PEBP4: variants seen among roughly 807,000 people sequenced by gnomAD.
PEBP4 encodes phosphatidylethanolamine-binding protein 4.
Under a neutral mutation model 23.9 loss-of-function variants are expected in PEBP4, and 22 were observed. The observed-to-expected ratio is 0.92, with a 90% CI of 0.66 to 1.31. PEBP4 has a LOEUF of 1.31. PEBP4 is among the 40% of genes most tolerant of loss of function. The pLI, the probability that PEBP4 is intolerant of heterozygous loss-of-function variation, is 0.00. For missense variants in PEBP4, 324 were observed against 281.7 expected, an observed-to-expected ratio of 1.15 and a Z score of -1.07; for synonymous variants, 112 against 99.3, an observed-to-expected ratio of 1.13 and a Z score of -0.76.
intron 3 of PEBP4, among the ~76,000 whole-genome samples, chr8:22,833,417 C>T (rs963303935): frequency 1.4e-4 from 21 of 152,268 alleles, no homozygotes; most frequent in East Asian, 5.8e-4. Context: ...CTGCAACCTC[C>T]GCCTCAAGGG....
chr8:22,921,540 G>A (rs73672941), intron 2 of PEBP4, among the ~76,000 whole-genome samples: 1,629 of 152,150 alleles, frequency 0.011, 32 homozygotes, highest in African/African-American at 0.038. Context: ...CCCTTCCAGT[G>A]GCTCCTGAAG....
At chr8:22,755,440 T>C (rs12682619) in intron 4 of PEBP4, among the ~76,000 whole-genome samples, 1 of 150,264 alleles carries the variant, frequency 6.7e-6, no homozygotes, top group Non-Finnish European at 1.5e-5. Context: ...GGTTCAAGCG[T>C]TTCTCCTGCC....
chr8:22,713,642 G>C (rs1804354995), intron 6 of PEBP4, 106 bp from the exon 7 acceptor site: 1 of 1,490,440 alleles, frequency 6.7e-7, no homozygotes, highest in East Asian at 2.3e-5. Context: ...GAGGCAGCAG[G>C]TGATGCGATG....
intron 4 of PEBP4, among the ~76,000 whole-genome samples, chr8:22,727,615 G>A (rs575131852): frequency 8.5e-4 from 130 of 152,248 alleles, no homozygotes; most frequent in African/African-American, 2.7e-3. Flanking sequence ...TAAGGGAGGC[G>A]CTTAGGTCTG....
chr8:22,918,779 C>T (rs1275010600), intron 3 of PEBP4, among the ~76,000 whole-genome samples: 1 of 152,170 alleles, frequency 6.6e-6, no homozygotes, highest in Non-Finnish European at 1.5e-5. Flanking sequence ...GGTTCCTGCC[C>T]GGCCTCTGCA....
intron 4 of PEBP4, among the ~76,000 whole-genome samples, chr8:22,758,511 G>T (rs536867817): frequency 6.6e-6 from 1 of 152,226 alleles, no homozygotes; most frequent in South Asian, 2.1e-4. Context: ...GCAGGGGGCC[G>T]GTTTACCTGG....
At chr8:22,880,162 G>C (rs1400733275) in intron 3 of PEBP4, among the ~76,000 whole-genome samples, 14 of 152,150 alleles carry the variant, frequency 9.2e-5, no homozygotes, top group African/African-American at 3.1e-4. Flanking sequence ...TGGATGATTG[G>C]GAGGGGTGAC....
intron 3 of PEBP4, among the ~76,000 whole-genome samples, chr8:22,863,438 CTCAG>C (rs2128769054): frequency 6.6e-6 from 1 of 152,276 alleles, no homozygotes; most frequent in East Asian, 1.9e-4. Context: ...CTTCTGAAAC[CTCAG>C]TCATAGATAG....
intron 3 of PEBP4, among the ~76,000 whole-genome samples, chr8:22,899,511 T>C (rs1808668091): frequency 6.6e-6 from 1 of 152,224 alleles, no homozygotes; most frequent in African/African-American, 2.4e-5. Context: ...CATGCTGTTC[T>C]GGGAGGTTCT....
rs145384917 is a variant in PEBP4, at chr8:22,881,403, G to A, written c.258+38781C>T. On this transcript the variant is annotated intron_variant, in intron 3 of 6. Transcript: ENST00000256404. ...AGACAGGCCAGAGCCCCTCAGACTC[G>A]GGCTTCCTGCAGCTACTGTATTTAT... Among the ~76,000 whole-genome samples, 136 of 152,218 alleles carry A rather than the reference G, an allele frequency of 8.9e-4. 1 individual carries two copies. Among genetic ancestry groups the A allele is most frequent in the African/African-American group, 3.2e-3 (131 of 41,518 alleles).
Position 22,817,752 on chromosome 8 carries a change from G to A in PEBP4, c.259-17C>T, listed in dbSNP as rs372422997. The A allele has an allele frequency of 1.5e-4, 247 of 1,605,496 alleles. No homozygotes were observed. Among genetic ancestry groups the A allele is most frequent in the Middle Eastern group, 8.3e-4 (5 of 6,048 alleles). On this transcript the variant is annotated splice_polypyrimidine_tract_variant and intron_variant, in intron 3 of 6. Coordinates refer to ENST00000256404, the MANE Select transcript of PEBP4 (RefSeq NM_144962.3). ...GGTTGCGCCCTGTAACACATGTACC[G>A]AAAAGTAATGTAGCGTCATGGCTGA...
intron 4 of PEBP4, among the ~76,000 whole-genome samples, chr8:22,797,679 G>C (rs1305987145): frequency 2.0e-5 from 3 of 152,170 alleles, no homozygotes; most frequent in Non-Finnish European, 4.4e-5. Flanking sequence ...GACCCCGTAG[G>C]GTCCATGTGA....
chr8:22,861,368 C>A (rs973838930), intron 3 of PEBP4, among the ~76,000 whole-genome samples: 2 of 152,226 alleles, frequency 1.3e-5, no homozygotes, highest in Non-Finnish European at 2.9e-5. Flanking sequence ...ATCCTCACAA[C>A]AAGCCTAAGA....
Position 22,927,809 on chromosome 8 carries a change from G to A in PEBP4, c.-7+14C>T. 6.5e-7 allele frequency: 1 copy of A among 1,536,648 alleles called. No homozygotes were observed. The highest frequency in any genetic ancestry group is 2.0e-5 in the Admixed American group (1 of 51,150). ...TGCCCCCGACCCCAGGGGCCCACTTGGCAGGATAGAGACCTCTGGTTAAGC... is the reference window on the plus strand; with the variant it reads ...TGCCCCCGACCCCAGGGGCCCACTTAGCAGGATAGAGACCTCTGGTTAAGC... On this transcript the variant is annotated intron_variant, in intron 1 of 6. Coordinates refer to ENST00000256404, the MANE Select transcript of PEBP4 (RefSeq NM_144962.3).
At chr8:22,728,552 CT>C (rs1563196289) in intron 4 of PEBP4, among the ~76,000 whole-genome samples, 9 of 88,018 alleles carry the variant, frequency 1.0e-4, no homozygotes, top group African/African-American at 2.4e-4. Context: ...TCCTTTCTTT[CT>C]TTCTTTCTTC....
intron 3 of PEBP4, among the ~76,000 whole-genome samples, chr8:22,848,644 AAG>A (rs1360890062): frequency 8.5e-5 from 13 of 152,268 alleles, no homozygotes; most frequent in Admixed American, 7.2e-4. Flanking sequence ...GCCAGAGAAA[AAG>A]AGGCAGGTGG....
At chr8:22,825,755 C>G (rs187041080) in intron 3 of PEBP4, among the ~76,000 whole-genome samples, 1 of 152,298 alleles carries the variant, frequency 6.6e-6, no homozygotes, top group African/African-American at 2.4e-5. Context: ...CACTGCAGCA[C>G]TATTCACAAT....
At chr8:22,919,182 T>A (rs1809146728) in intron 3 of PEBP4, among the ~76,000 whole-genome samples, 1 of 152,186 alleles carries the variant, frequency 6.6e-6, no homozygotes, top group African/African-American at 2.4e-5. Context: ...CTTAGCTGAC[T>A]GCATGAGGCC....
chr8:22,857,984 C>T (rs1807690936), intron 3 of PEBP4, among the ~76,000 whole-genome samples: 1 of 152,204 alleles, frequency 6.6e-6, no homozygotes, highest in Admixed American at 6.5e-5. Flanking sequence ...ATGGGGCAAA[C>T]TCTTAGTTGT....
Sources: gnomAD v4.1 joint callset for allele counts (sites outside exome capture counted in the v4.1 genomes callset) on GRCh38, gnomAD v4.1.1 for gene constraint, MANE v1.5 for transcripts, NCBI Gene and HGNC (gene_info 2026-07-23, HGNC 2026-07-21) for gene names.